The following VAC14 variants were observed in gnomAD, a reference collection of about 807,000 sequenced individuals.
The protein encoded by VAC14 is VAC14 component of PIKFYVE complex.
In VAC14, 47 loss-of-function variants were observed where a neutral mutation model predicts 85.3. The observed-to-expected ratio is 0.55, with a 90% CI of 0.44 to 0.70. The LOEUF (loss-of-function observed/expected upper bound fraction) is 0.70. Among genes scored for constraint, VAC14 ranks in the 30% least tolerant of loss-of-function variants. VAC14 has a pLI of 0.00. For missense variants in VAC14, 861 were observed against 1,004.3 expected (o/e 0.86, Z 1.93); for synonymous variants, 447 against 430.5 (o/e 1.04, Z -0.47).
At chr16:70,792,330 G>C (rs960051669) in intron 1 of VAC14, among the ~76,000 whole-genome samples, 3 of 152,186 alleles carry the variant, frequency 2.0e-5, no homozygotes, top group African/African-American at 7.2e-5. Context: ...GGGGATCTGA[G>C]GCTGAACTAG....
chr16:70,765,649 C>T lies in VAC14; in HGVS notation c.1161-2624G>A, dbSNP rs184058104. Among the ~76,000 whole-genome samples the T allele has an allele frequency of 5.1e-4, 78 of 152,292 alleles. 1 individual carries two copies. The East Asian group carries it at 0.014, about 28-fold the overall frequency. On this transcript the variant is annotated intron_variant, in intron 10 of 18. Transcript: ENST00000261776. ...AGTCTGACTCCAGAATAATCTCACCCGCCACACGGCACAGCCTCCTGACCA... is the reference window on the plus strand; with the variant it reads ...AGTCTGACTCCAGAATAATCTCACCTGCCACACGGCACAGCCTCCTGACCA...
At chr16:70,707,975 G>A (rs1597864625) in intron 14 of VAC14, among the ~76,000 whole-genome samples, 1 of 152,070 alleles carries the variant, frequency 6.6e-6, no homozygotes, top group East Asian at 1.9e-4. Context: ...ATTTTTAGTA[G>A]AGACTGGGTT....
rs752994535 is a variant in VAC14, at chr16:70,762,652, C to G, written c.1306-47G>C. ...GTGCCCGTGAGTGCTCCCTTCGCCCCGGGACTACGTGCAGTGCAGTGTCCC... is the reference window on the plus strand; with the variant it reads ...GTGCCCGTGAGTGCTCCCTTCGCCCGGGGACTACGTGCAGTGCAGTGTCCC... On this transcript the variant is annotated intron_variant, in intron 11 of 18. Transcript: ENST00000261776. The surrounding 1 kb of genome is among the most constrained non-coding windows in gnomAD (Gnocchi z 4.1). 1 of 1,598,924 alleles carries G rather than the reference C, an allele frequency of 6.3e-7. No homozygotes were observed. The highest frequency in any genetic ancestry group is 1.7e-5 in the Admixed American group (1 of 59,336).
intron 14 of VAC14, among the ~76,000 whole-genome samples, chr16:70,701,304 T>C (rs1324040466): frequency 6.6e-6 from 1 of 152,122 alleles, no homozygotes; most frequent in East Asian, 1.9e-4. Flanking sequence ...TGGAAGGCCC[T>C]GCCTGGCCAC....
At chr16:70,792,888 C>T (rs943794399) in intron 1 of VAC14, among the ~76,000 whole-genome samples, 3 of 152,172 alleles carry the variant, frequency 2.0e-5, no homozygotes, top group African/African-American at 4.8e-5. Context: ...TTATTCCCGA[C>T]GATACCTCCT....
intron 14 of VAC14, among the ~76,000 whole-genome samples, chr16:70,701,179 C>A (rs2053819606): frequency 6.6e-6 from 1 of 152,210 alleles, no homozygotes. Flanking sequence ...CCCTTCCGCT[C>A]TTCTCTCTCT....
In VAC14 at chr16:70,738,594, G is replaced by C. The variant is rs184661315; in HGVS notation, c.1528+5829C>G. ...AAGGCACCCCCTGCTGGTGGAGCAGGGGGGCTGGACTGCTGGGGCTTCCAA... is the reference window on the plus strand; with the variant it reads ...AAGGCACCCCCTGCTGGTGGAGCAGCGGGGCTGGACTGCTGGGGCTTCCAA... On this transcript the variant is annotated intron_variant, in intron 13 of 18. Coordinates refer to ENST00000261776, the MANE Select transcript of VAC14 (RefSeq NM_018052.5). Among the ~76,000 whole-genome samples the C allele has an allele frequency of 5.9e-3, 899 of 152,292 alleles. 9 individuals are homozygous for C. The highest frequency in any genetic ancestry group is 0.021 in the African/African-American group (859 of 41,546).
At chr16:70,788,669 G>A (rs2034181689) in intron 1 of VAC14, among the ~76,000 whole-genome samples, 1 of 152,242 alleles carries the variant, frequency 6.6e-6, no homozygotes, top group Non-Finnish European at 1.5e-5. Context: ...CAAAAGCCCT[G>A]CAGATGCTCT....
chr16:70,699,766 G>C (rs1196333020), intron 14 of VAC14: 1 of 152,204 alleles, frequency 6.6e-6, no homozygotes, highest in African/African-American at 2.4e-5. Flanking sequence ...CCAGGGATTC[G>C]GGAGCTTCCC....
At chr16:70,731,926 T>C (rs2054602978) in intron 13 of VAC14, among the ~76,000 whole-genome samples, 1 of 152,100 alleles carries the variant, frequency 6.6e-6, no homozygotes, top group Non-Finnish European at 1.5e-5. Flanking sequence ...AACCACTTAG[T>C]GAACATCTCA....
intron 1 of VAC14, among the ~76,000 whole-genome samples, chr16:70,789,547 G>A (rs149402832): frequency 1.3e-5 from 2 of 152,332 alleles, no homozygotes; most frequent in East Asian, 3.9e-4. Context: ...CTGCCACGCG[G>A]GAGGCCCGGG....
intron 14 of VAC14, among the ~76,000 whole-genome samples, chr16:70,707,679 C>T (rs946310924): frequency 5.9e-5 from 9 of 152,174 alleles, no homozygotes; most frequent in African/African-American, 9.7e-5. Flanking sequence ...AGTTGACTCC[C>T]GCTTTCTGAA....
chr16:70,763,145 G>C (rs2032542772), intron 10 of VAC14, 120 bp from the exon 11 acceptor site: 2 of 1,409,168 alleles, frequency 1.4e-6, no homozygotes, highest in South Asian at 1.4e-5. Context: ...CACCGTCTAG[G>C]GGGATCGGGG....
chr16:70,691,481 G>A (rs1278087793), intron 18 of VAC14: 33 of 985,322 alleles, frequency 3.3e-5, no homozygotes, highest in South Asian at 4.7e-5. Context: ...GGAGTCTCTC[G>A]GGAGCTGACA....
chr16:70,723,614 C>A (rs2054350029), intron 14 of VAC14, among the ~76,000 whole-genome samples: 1 of 152,206 alleles, frequency 6.6e-6, no homozygotes, highest in African/African-American at 2.4e-5. Flanking sequence ...TACTGCAGGT[C>A]CCATCTAGAA....
At chr16:70,777,172 T>A (rs1179196776) in intron 9 of VAC14, among the ~76,000 whole-genome samples, 3 of 152,070 alleles carry the variant, frequency 2.0e-5, no homozygotes, top group Non-Finnish European at 4.4e-5. Flanking sequence ...CTCGAACTCT[T>A]GACCTCAAAT....
chr16:70,689,021 A>T (rs1214548874), intron 18 of VAC14: 30 of 985,010 alleles, frequency 3.0e-5, no homozygotes, highest in Non-Finnish European at 3.1e-5. Flanking sequence ...CTAAGCAGAG[A>T]GTCTTGGGGC....
intron 14 of VAC14, among the ~76,000 whole-genome samples, chr16:70,727,649 T>G (rs1214818561): frequency 6.6e-6 from 1 of 152,138 alleles, no homozygotes; most frequent in East Asian, 1.9e-4. Context: ...ACGATGCCCC[T>G]CTTTAAAGTC....
chr16:70,730,073 A>G (rs1167624879), intron 14 of VAC14, among the ~76,000 whole-genome samples: 1 of 151,126 alleles, frequency 6.6e-6, no homozygotes, highest in African/African-American at 2.4e-5. Context: ...ACACCCTGAC[A>G]CTCCCAGCTC....
Sources: gnomAD v4.1 joint callset for allele counts (sites outside exome capture counted in the v4.1 genomes callset) on GRCh38, gnomAD v4.1.1 for gene constraint, Gnocchi (gnomAD v3.1) non-coding constraint, MANE v1.5 for transcripts, NCBI Gene and HGNC (gene_info 2026-07-23, HGNC 2026-07-21) for gene names.